The following GPR12 variants were observed in gnomAD, a reference collection of about 807,000 sequenced individuals.
The protein encoded by GPR12 is G-protein coupled receptor 12.
A neutral mutation model predicts 18.9 loss-of-function variants in GPR12; 7 were observed. That is an observed-to-expected ratio of 0.37 (90% CI 0.21 to 0.70). The LOEUF (loss-of-function observed/expected upper bound fraction) is 0.70, where lower values mean the gene tolerates loss of function less well. Among genes scored for constraint, GPR12 ranks in the 30% least tolerant of loss-of-function variants. The pLI is 0.54. For synonymous variants in GPR12, 201 were observed against 188.6 expected, an observed-to-expected ratio of 1.07 and a Z score of -0.54; for missense variants, 327 against 427.7, an observed-to-expected ratio of 0.76 and a Z score of 2.08.
chr13:26,760,502 G>C (rs1467998976), intron 1 of GPR12, 77 bp downstream of exon 1: 12 of 151,974 alleles, frequency 7.9e-5, no homozygotes, highest in African/African-American at 2.9e-4. Flanking sequence ...GCGGGGACGG[G>C]AGTCGGACGC....
Position 26,758,308 on chromosome 13 carries a change from A to G in GPR12, c.*515T>C, listed in dbSNP as rs995079756. 8 of 153,066 alleles carry G rather than the reference A, an allele frequency of 5.2e-5. No homozygotes were observed. The highest frequency in any genetic ancestry group is 1.9e-4 in the African/African-American group (8 of 41,558). The allele number at this position is 153,066 out of a possible 1,614,324, so 9.5% of individuals were successfully genotyped here. On this transcript the variant is annotated 3_prime_UTR_variant, in exon 2 of 2. Transcript: ENST00000405846. ...GCAAAATCAGGTCCCTTCCAAACAC[A>G]ATTATGTAAACTATTTGTATTGGAT...
Position 26,759,640 on chromosome 13 carries a change from G to A in GPR12, c.188C>T (p.Ala63Val). ...GTGGAAGATGATAAGGACCACAATG[G>A]CATTTTCACAGGAGATGAGGGTTCC... ...TSGTLISCEN[A>V]IVVLIIFHNP... Residue 63 changes from alanine to valine, a missense_variant, in exon 2 of 2, where the codon GCC (alanine) becomes GTC (valine). By Grantham distance (64) the Ala-to-Val change is moderately conservative. Coordinates refer to ENST00000405846, the MANE Select transcript of GPR12 (RefSeq NM_005288.4). 1 of 1,614,066 alleles carries A rather than the reference G, an allele frequency of 6.2e-7. No individual in the cohort carries two copies. Among genetic ancestry groups the A allele is most frequent in the Non-Finnish European group, 8.5e-7 (1 of 1,179,964 alleles).
Position 26,759,042 on chromosome 13 carries a change from A to C in GPR12, c.786T>G (p.Ala262=). 1 of 1,614,088 alleles carries C rather than the reference A, an allele frequency of 6.2e-7. No homozygotes were observed. The highest frequency in any genetic ancestry group is 8.5e-7 in the Non-Finnish European group (1 of 1,180,014). The change falls in exon 2 of 2, where the codon GCT becomes GCG. Residue 262 remains alanine (A), a synonymous_variant. Coordinates refer to ENST00000405846, the MANE Select transcript of GPR12 (RefSeq NM_005288.4). Reference sequence around the variant, plus strand: ...AATAGAGGGTGAAAGGCATCCAGCAAGCAGCAAACGTCCCCAGGATGATAG... The same window carrying C: ...AATAGAGGGTGAAAGGCATCCAGCACGCAGCAAACGTCCCCAGGATGATAG... ...TLAIILGTFA[A]CWMPFTLYSL... is the part of the protein sequence containing the mutation.
In GPR12 at chr13:26,756,240, T is replaced by G. The variant is rs1417773335; in HGVS notation, c.*2583A>C. On this transcript the variant is annotated 3_prime_UTR_variant, in exon 2 of 2. Coordinates refer to ENST00000405846, the MANE Select transcript of GPR12 (RefSeq NM_005288.4). ...TCTTGCTCTGTCACCCAGGCTGGAGTGCAGTGGTGCGATCTTTGTTCACTG... is the reference window on the plus strand; with the variant it reads ...TCTTGCTCTGTCACCCAGGCTGGAGGGCAGTGGTGCGATCTTTGTTCACTG... The G allele has an allele frequency of 5.9e-5, 9 of 151,992 alleles. No individual in the cohort carries two copies. The allele number at this position is 151,992 out of a possible 1,614,324, so 9.4% of individuals were successfully genotyped here.
Position 26,758,953 on chromosome 13 carries a change from T to C in GPR12, c.875A>G (p.Tyr292Cys), listed in dbSNP as rs1472627228. The change falls in exon 2 of 2, where the codon TAC (tyrosine) becomes TGC (cysteine). Residue 292 changes from tyrosine (Y) to cysteine (C), a missense_variant. By Grantham distance (194) the Tyr-to-Cys change is radical. Transcript: ENST00000405846. ...TATGACAGGGTTGATGATGGAATTGTAGGTGGCGGGCAGGAGGGTGGCGTA... is the reference window on the plus strand; with the variant it reads ...TATGACAGGGTTGATGATGGAATTGCAGGTGGCGGGCAGGAGGGTGGCGTA... Reference protein sequence around the residue: ...YTYATLLPATYNSIINPVIYA... With the variant: ...YTYATLLPATCNSIINPVIYA... 6.2e-7 allele frequency: 1 copy of C among 1,613,924 alleles called. No individual in the cohort carries two copies. The highest frequency in any genetic ancestry group is 1.7e-5 in the Admixed American group (1 of 60,000).
Position 26,756,402 on chromosome 13 carries a change from T to A in GPR12, c.*2421A>T, listed in dbSNP as rs1016166299. 3.3e-5 allele frequency: 5 copies of A among 152,240 alleles called. No individual in the cohort carries two copies. Among genetic ancestry groups the A allele is most frequent in the African/African-American group, 9.7e-5 (4 of 41,444 alleles). 9.4% of individuals were successfully genotyped at this position (152,240 alleles called of 1,614,324 possible). On this transcript the variant is annotated 3_prime_UTR_variant, in exon 2 of 2. Coordinates refer to ENST00000405846, the MANE Select transcript of GPR12 (RefSeq NM_005288.4). ...GGTTTTGCCATATTGGTCAGGCTGGTTTCGAACTCCTGACCTCAGGTGATC... is the reference window on the plus strand; with the variant it reads ...GGTTTTGCCATATTGGTCAGGCTGGATTCGAACTCCTGACCTCAGGTGATC...
At chr13:26,760,462 T>C (rs1158403704) in intron 1 of GPR12, 117 bp downstream of exon 1, 5 of 149,204 alleles carry the variant, frequency 3.4e-5, no homozygotes, top group African/African-American at 5.0e-5. Flanking sequence ...GACAGACAGA[T>C]GCCCATGCAC....
Position 26,758,778 on chromosome 13 carries a change from G to A in GPR12, c.*45C>T, listed in dbSNP as rs748998493. The A allele has an allele frequency of 6.5e-7, 1 of 1,547,426 alleles. No homozygotes were observed. Among genetic ancestry groups the A allele is most frequent in the South Asian group, 1.2e-5 (1 of 80,240 alleles). On this transcript the variant is annotated 3_prime_UTR_variant, in exon 2 of 2. Transcript: ENST00000405846. The stretch of plus-strand genomic sequence containing the variant: ...AAGCATCTCAAACCTTGGCCAGGCA[G>A]TGGAAGTGCTTGGTAAATGCAGAGT...
rs777551689 is a variant in GPR12, at chr13:26,759,637, A to G, written c.191T>C (p.Ile64Thr). 5.0e-6 allele frequency: 8 copies of G among 1,614,114 alleles called. No individual in the cohort carries two copies. The highest frequency in any genetic ancestry group is 1.1e-5 in the South Asian group (1 of 91,078). The change falls in exon 2 of 2, where the codon ATT (isoleucine) becomes ACT (threonine). Residue 64 changes from isoleucine (I) to threonine (T), a missense_variant. Physicochemically the swap from Ile to Thr is moderately conservative, Grantham distance 89 (BLOSUM62 -1). Transcript: ENST00000405846. ...GTTGTGGAAGATGATAAGGACCACA[A>G]TGGCATTTTCACAGGAGATGAGGGT... is the stretch of plus-strand genomic sequence containing the variant. ...SGTLISCENAIVVLIIFHNPS... is the reference protein window; with the variant it reads ...SGTLISCENATVVLIIFHNPS...
intron 1 of GPR12, 44 bp from the exon 2 acceptor site, chr13:26,759,886 G>A (rs1884451313): frequency 2.6e-6 from 4 of 1,513,036 alleles, no homozygotes; most frequent in East Asian, 4.6e-5. Context: ...ATACAGCAGG[G>A]TGACAATCCA....
In GPR12 at chr13:26,759,660, G is replaced by C. The variant is rs371513115; in HGVS notation, c.168C>G (p.Thr56=). ...CAATGGCATTTTCACAGGAGATGAG[G>C]GTTCCCGAGGTACACAAGACAATGT... ...PWDIVLCTSG[T]LISCENAIVV... Residue 56 remains threonine (T), a synonymous_variant, in exon 2 of 2, where the codon ACC becomes ACG. Transcript: ENST00000405846. 5.0e-6 allele frequency: 8 copies of C among 1,613,900 alleles called. No individual in the cohort carries two copies. In the African/African-American group the frequency reaches 9.3e-5, roughly 19 times the overall value.
chr13:26,759,684 G>A lies in GPR12; in HGVS notation c.144C>T (p.Asp48=), dbSNP rs1026753341. 1 of 1,613,910 alleles carries A rather than the reference G, an allele frequency of 6.2e-7. No homozygotes were observed. The highest frequency in any genetic ancestry group is 8.5e-7 in the Non-Finnish European group (1 of 1,179,940). ...GGGTTCCCGAGGTACACAAGACAAT[G>A]TCCCAGGGGTTGACTACGAGCTCAG... The part of the protein sequence containing the change: ...PEPELVVNPW[D]IVLCTSGTLI... The change falls in exon 2 of 2, where the codon GAC becomes GAT. Residue 48 remains aspartate (D), a synonymous_variant. Coordinates refer to ENST00000405846, the MANE Select transcript of GPR12 (RefSeq NM_005288.4).
Position 26,759,731 on chromosome 13 carries a change from C to G in GPR12, c.97G>C (p.Val33Leu). Reference sequence around the variant, plus strand: ...TCAGGCTCTGGCTCTACGGCAGGAACCCGGGAGGAGACAGCAGCCGAGATG... The same window carrying G: ...TCAGGCTCTGGCTCTACGGCAGGAAGCCGGGAGGAGACAGCAGCCGAGATG... ...ENISAAVSSR[V>L]PAVEPEPELV... Residue 33 changes from valine to leucine, a missense_variant, in exon 2 of 2, where the codon GTT becomes CTT. By Grantham distance (32) the Val-to-Leu change is conservative (BLOSUM62 1). Transcript: ENST00000405846. The G allele has an allele frequency of 6.2e-7, 1 of 1,613,384 alleles. No homozygotes were observed. The highest frequency in any genetic ancestry group is 1.3e-5 in the African/African-American group (1 of 74,970).
In GPR12 at chr13:26,759,632, C is replaced by A; in HGVS notation, c.196G>T (p.Val66Phe). Residue 66 changes from valine (V) to phenylalanine (F), a missense_variant, in exon 2 of 2, where the codon GTC becomes TTC. Coordinates refer to ENST00000405846, the MANE Select transcript of GPR12 (RefSeq NM_005288.4). ...TLISCENAIV[V>F]LIIFHNPSLR... is the part of the protein sequence containing the mutation. ...CTGGGGTTGTGGAAGATGATAAGGA[C>A]CACAATGGCATTTTCACAGGAGATG... 1 of 1,614,054 alleles carries A rather than the reference C, an allele frequency of 6.2e-7. No homozygotes were observed.
chr13:26,759,002 A>T lies in GPR12; in HGVS notation c.826T>A (p.Tyr276Asn). Residue 276 changes from tyrosine to asparagine, a missense_variant, in exon 2 of 2, where the codon TAC becomes AAC. Physicochemically the swap from Tyr to Asn is moderately radical, Grantham distance 143. Coordinates refer to ENST00000405846, the MANE Select transcript of GPR12 (RefSeq NM_005288.4). ...PFTLYSLIAD[Y>N]TYPSIYTYAT... ...TAGGTATAGATGGAGGGGTAGGTGT[A>T]ATCCGCTATCAAGGAATAGAGGGTG... The T allele has an allele frequency of 6.2e-7, 1 of 1,614,008 alleles. No homozygotes were observed.
At position 26,757,707 on chromosome 13, in the gene GPR12, C is replaced by T. The variant is rs1381367773; in HGVS notation, c.*1116G>A. 2 of 152,158 alleles carry T rather than the reference C, an allele frequency of 1.3e-5. No homozygotes were observed. The highest frequency in any genetic ancestry group is 4.8e-5 in the African/African-American group (2 of 41,430). The allele number at this position is 152,158 out of a possible 1,614,324, so 9.4% of individuals were successfully genotyped here. A position where few individuals can be genotyped will look rare whatever the true frequency, so the allele number is the denominator to read the frequency against. On this transcript the variant is annotated 3_prime_UTR_variant, in exon 2 of 2. Coordinates refer to ENST00000405846, the MANE Select transcript of GPR12 (RefSeq NM_005288.4). ...GGACGCTGTGCACTGACAAACAAAC[C>T]TAATCATTAAAATAGGGGACTGCCT... is the stretch of plus-strand genomic sequence containing the variant.
At position 26,759,147 on chromosome 13, in the gene GPR12, G is replaced by T; in HGVS notation, c.681C>A (p.His227Gln). The change falls in exon 2 of 2, where the codon CAC becomes CAA. Residue 227 changes from histidine (H) to glutamine (Q), a missense_variant. Coordinates refer to ENST00000405846, the MANE Select transcript of GPR12 (RefSeq NM_005288.4). The part of the protein sequence containing the change: ...YIQICKIVMR[H>Q]AHQIALQHHF... ...GGTGCTGCAGGGCTATCTGATGGGCGTGCCTCATCACAATCTTACAGATCT... is the reference window on the plus strand; with the variant it reads ...GGTGCTGCAGGGCTATCTGATGGGCTTGCCTCATCACAATCTTACAGATCT... The T allele has an allele frequency of 1.2e-6, 2 of 1,613,584 alleles. No individual in the cohort carries two copies. Among genetic ancestry groups the T allele is most frequent in the Non-Finnish European group, 1.7e-6 (2 of 1,179,976 alleles).
At chr13:26,760,088 A>C (rs1293938141) in intron 1 of GPR12, 1 of 410,878 alleles carries the variant, frequency 2.4e-6, no homozygotes, top group Non-Finnish European at 4.3e-6. Context: ...TCAAAACACC[A>C]GCGTGAGCGA....
chr13:26,758,514 A>C lies in GPR12; in HGVS notation c.*309T>G, dbSNP rs1884416505. ...CTTCTAATAACATCATGGGCGTATC[A>C]TATCCCTTCCTTTCCTACCCCCAGT... On this transcript the variant is annotated 3_prime_UTR_variant, in exon 2 of 2. Coordinates refer to ENST00000405846, the MANE Select transcript of GPR12 (RefSeq NM_005288.4). The C allele has an allele frequency of 6.3e-6, 2 of 318,246 alleles. No homozygotes were observed. The highest frequency in any genetic ancestry group is 8.8e-5 in the Admixed American group (2 of 22,676). 19.7% of individuals were successfully genotyped at this position (318,246 alleles called of 1,614,324 possible). A position where few individuals can be genotyped will look rare whatever the true frequency, so the allele number is the denominator to read the frequency against.
Sources: gnomAD v4.1 joint callset for allele counts on GRCh38, gnomAD v4.1.1 for gene constraint, MANE v1.5 for transcripts, NCBI Gene and HGNC (gene_info 2026-07-23, HGNC 2026-07-21) for gene names.